Variants in SPOCK1 observed in about 807,000 individuals in gnomAD.
The protein encoded by SPOCK1 is SPARC (osteonectin), cwcv and kazal like domains proteoglycan 1.
Under a neutral mutation model 55.3 loss-of-function variants are expected in SPOCK1, and 23 were observed. The observed-to-expected ratio is 0.42, with a 90% CI of 0.30 to 0.59. The LOEUF is 0.59. Ranked by LOEUF, SPOCK1 falls within the 20% of genes least tolerant of loss-of-function variation. The pLI is 0.22. For synonymous variants in SPOCK1, 226 were observed against 221.0 expected, an observed-to-expected ratio of 1.02 and a Z score of -0.20; for missense variants, 499 against 552.5, an observed-to-expected ratio of 0.90 and a Z score of 0.97.
At chr5:137,282,671 G>T (rs1757189036) in intron 2 of SPOCK1, among the ~76,000 whole-genome samples, 2 of 152,128 alleles carry the variant, frequency 1.3e-5, no homozygotes, top group Admixed American at 1.3e-4. Context: ...ATGATGCTGG[G>T]ACTCTCCAAC....
At chr5:137,055,153 C>T (rs1234379559) in intron 6 of SPOCK1, among the ~76,000 whole-genome samples, 2 of 152,226 alleles carry the variant, frequency 1.3e-5, no homozygotes, top group Non-Finnish European at 2.9e-5. Flanking sequence ...TACCCTGAGA[C>T]ATAAGTGAGC....
intron 6 of SPOCK1, among the ~76,000 whole-genome samples, chr5:136,997,154 G>C (rs986171806): frequency 8.5e-5 from 13 of 152,152 alleles, no homozygotes; most frequent in African/African-American, 2.7e-4. Flanking sequence ...CAATGGGCTG[G>C]TGTGTGAGCC....
At chr5:137,243,869 G>A (rs1482216291) in intron 3 of SPOCK1, among the ~76,000 whole-genome samples, 7 of 152,080 alleles carry the variant, frequency 4.6e-5, no homozygotes, top group East Asian at 1.9e-4. Flanking sequence ...ACACTGTTCC[G>A]CGGACTTGCA....
intron 2 of SPOCK1, among the ~76,000 whole-genome samples, chr5:137,428,307 G>A (rs1752676327): frequency 6.6e-6 from 1 of 152,176 alleles, no homozygotes; most frequent in Admixed American, 6.5e-5. Context: ...TAAGCAAGAG[G>A]TTTCTGAGAC....
intron 6 of SPOCK1, among the ~76,000 whole-genome samples, chr5:136,993,486 C>A (rs925238314): frequency 6.6e-6 from 1 of 152,110 alleles, no homozygotes; most frequent in Non-Finnish European, 1.5e-5. Flanking sequence ...AGGCTGCTAC[C>A]AAGACCTAGA....
At chr5:136,990,515 T>G (rs1750928683) in intron 7 of SPOCK1, among the ~76,000 whole-genome samples, 1 of 151,812 alleles carries the variant, frequency 6.6e-6, no homozygotes, top group South Asian at 2.1e-4. Flanking sequence ...TTAAATTTAT[T>G]CAATATCTTA....
chr5:137,172,675 A>G (rs986665060), intron 3 of SPOCK1, among the ~76,000 whole-genome samples: 5 of 152,154 alleles, frequency 3.3e-5, no homozygotes, highest in Admixed American at 3.3e-4. Flanking sequence ...TGCTGTTTCT[A>G]GTCTTAACTA....
chr5:137,206,634 T>C (rs185114881), intron 3 of SPOCK1, among the ~76,000 whole-genome samples: 49 of 152,354 alleles, frequency 3.2e-4, no homozygotes, highest in African/African-American at 1.1e-3. Flanking sequence ...GAGGTATCAG[T>C]AGATGTATTT....
chr5:137,486,505 T>C (rs1476367259), intron 2 of SPOCK1, among the ~76,000 whole-genome samples: 1 of 152,232 alleles, frequency 6.6e-6, no homozygotes, highest in Non-Finnish European at 1.5e-5. Flanking sequence ...AGGAATCATG[T>C]TTGTTTCCCC....
chr5:137,331,619 G>A (rs573721069), intron 2 of SPOCK1, among the ~76,000 whole-genome samples: 1 of 152,292 alleles, frequency 6.6e-6, no homozygotes, highest in South Asian at 2.1e-4. Flanking sequence ...GGCAGGAATA[G>A]GCATGTCACA....
At chr5:137,069,662 C>T (rs147377809) in intron 5 of SPOCK1, among the ~76,000 whole-genome samples, 54 of 152,280 alleles carry the variant, frequency 3.5e-4, no homozygotes, top group African/African-American at 1.2e-3. Flanking sequence ...TTCAGCACAG[C>T]GTGTGTGCAC....
At chr5:137,147,391 A>C (rs1754219069) in intron 3 of SPOCK1, among the ~76,000 whole-genome samples, 1 of 152,252 alleles carries the variant, frequency 6.6e-6, no homozygotes. Context: ...CTGCTCGGGC[A>C]GCCATAATGA....
chr5:136,978,361 C>G lies in SPOCK1; in HGVS notation c.*293G>C. ...CACTGTCAGAATTCCACGTAAATCA[C>G]ATGCTTGTTGGAAAAATCTCACAGA... On this transcript the variant is annotated 3_prime_UTR_variant, in exon 11 of 11. Transcript: ENST00000394945. 1 of 370,914 alleles carries G rather than the reference C, an allele frequency of 2.7e-6. No homozygotes were observed. The allele number at this position is 370,914 out of a possible 1,614,324, so 23.0% of individuals were successfully genotyped here.
intron 6 of SPOCK1, among the ~76,000 whole-genome samples, chr5:137,009,643 G>T (rs1203525862): frequency 1.3e-5 from 2 of 152,158 alleles, no homozygotes; most frequent in Non-Finnish European, 2.9e-5. Flanking sequence ...ACCCAAGACA[G>T]TTTGCACCAA....
intron 2 of SPOCK1, among the ~76,000 whole-genome samples, chr5:137,338,736 T>C (rs1216327566): frequency 1.3e-5 from 2 of 152,032 alleles, no homozygotes; most frequent in East Asian, 1.9e-4. Flanking sequence ...TGGTATCTCA[T>C]TGTGGTTTTG....
intron 3 of SPOCK1, among the ~76,000 whole-genome samples, chr5:137,264,442 C>A (rs1376443074): frequency 1.3e-5 from 2 of 150,030 alleles, no homozygotes; most frequent in African/African-American, 2.4e-5. Flanking sequence ...CTATGCTGGG[C>A]CTTCCTTCCC....
chr5:137,451,377 C>G (rs1753252021), intron 2 of SPOCK1, among the ~76,000 whole-genome samples: 1 of 152,192 alleles, frequency 6.6e-6, no homozygotes, highest in South Asian at 2.1e-4. Context: ...TCAGCCTTAG[C>G]AGGGATGAAC....
At position 137,210,828 on chromosome 5, in the gene SPOCK1, G is replaced by A. The variant is rs75995063; in HGVS notation, c.232+56182C>T. Among the ~76,000 whole-genome samples, 392 of 152,348 alleles carry A rather than the reference G, an allele frequency of 2.6e-3. 1 individual carries two copies. The highest frequency in any genetic ancestry group is 4.6e-3 in the Non-Finnish European group (316 of 68,046). ...CCGGCTTTATGCCAGTTAGGGAAGA[G>A]AGATATCTAGACCCAAAATTGTCAG... On this transcript the variant is annotated intron_variant, in intron 3 of 10. Transcript: ENST00000394945.
At chr5:137,091,182 A>G (rs923574535) in intron 5 of SPOCK1, among the ~76,000 whole-genome samples, 6 of 152,202 alleles carry the variant, frequency 3.9e-5, no homozygotes, top group Non-Finnish European at 7.4e-5. Flanking sequence ...CTGGGCAGCC[A>G]GTAGGTCATT....
Sources: gnomAD v4.1 joint callset for allele counts (sites outside exome capture counted in the v4.1 genomes callset) on GRCh38, gnomAD v4.1.1 for gene constraint, MANE v1.5 for transcripts, NCBI Gene and HGNC (gene_info 2026-07-23, HGNC 2026-07-21) for gene names.